The following AK5 variants were observed in gnomAD, a reference collection of about 807,000 sequenced individuals.
AK5 encodes adenylate kinase isoenzyme 5.
Under a neutral mutation model 69.5 loss-of-function variants are expected in AK5, and 27 were observed. The ratio of observed to expected loss-of-function variants is 0.39; its 90% CI spans 0.29 to 0.54. The LOEUF is 0.54. Among genes scored for constraint, AK5 ranks in the 20% least tolerant of loss-of-function variants. AK5 has a pLI of 0.71. For synonymous variants in AK5, 260 were observed against 244.4 expected (o/e 1.06, Z -0.60); for missense variants, 531 against 700.4 (o/e 0.76, Z 2.73).
chr1:77,481,051 G>T (rs902709774), intron 8 of AK5, among the ~76,000 whole-genome samples: 1 of 152,194 alleles, frequency 6.6e-6, no homozygotes, highest in Non-Finnish European at 1.5e-5. Flanking sequence ...CCAGCTTGAG[G>T]CAGGGAGCCA....
At chr1:77,489,068 A>C (rs1655802865) in intron 10 of AK5, among the ~76,000 whole-genome samples, 1 of 152,180 alleles carries the variant, frequency 6.6e-6, no homozygotes, top group Admixed American at 6.5e-5. Flanking sequence ...TTTAACACTC[A>C]CAGTTGAACT....
intron 12 of AK5, among the ~76,000 whole-genome samples, chr1:77,526,820 TC>T (rs1282661553): frequency 6.6e-6 from 1 of 151,788 alleles, no homozygotes; most frequent in African/African-American, 2.4e-5. Flanking sequence ...TAGAACATTC[TC>T]TTGAAACCCT....
chr1:77,504,441 A>ATT (rs61693501), intron 10 of AK5, among the ~76,000 whole-genome samples: 11 of 150,236 alleles, frequency 7.3e-5, no homozygotes, highest in Non-Finnish European at 1.5e-4. Context: ...GTATATATAT[A>ATT]TTTTTTTTAA....
intron 5 of AK5, among the ~76,000 whole-genome samples, chr1:77,298,399 G>A (rs1659132684): frequency 6.6e-6 from 1 of 151,670 alleles, no homozygotes; most frequent in African/African-American, 2.4e-5. Context: ...ATTTGAGTAG[G>A]CTATGCCTGC....
chr1:77,363,594 C>T (rs1400236097), intron 6 of AK5, among the ~76,000 whole-genome samples: 1 of 152,210 alleles, frequency 6.6e-6, no homozygotes, highest in Non-Finnish European at 1.5e-5. Context: ...CCTGTTCTCT[C>T]TATGACCTTA....
intron 10 of AK5, among the ~76,000 whole-genome samples, chr1:77,506,611 G>A (rs1043017649): frequency 2.6e-5 from 4 of 152,124 alleles, no homozygotes; most frequent in African/African-American, 2.4e-5. Flanking sequence ...TTCACATCTC[G>A]CTGTGGCTAT....
At chr1:77,325,730 G>A (rs1660768832) in intron 5 of AK5, among the ~76,000 whole-genome samples, 1 of 151,370 alleles carries the variant, frequency 6.6e-6, no homozygotes, top group South Asian at 2.1e-4. Context: ...ACCTTGTGGG[G>A]AGGGACTATA....
intron 2 of AK5, among the ~76,000 whole-genome samples, chr1:77,291,664 T>C (rs1177581848): frequency 6.6e-6 from 1 of 152,196 alleles, no homozygotes. Flanking sequence ...TTATTACTAA[T>C]TCAACAAATA....
intron 8 of AK5, among the ~76,000 whole-genome samples, chr1:77,441,932 A>G (rs1235397561): frequency 6.6e-6 from 1 of 151,556 alleles, no homozygotes; most frequent in Non-Finnish European, 1.5e-5. Flanking sequence ...ACTCTGAGGT[A>G]CCCCCTAGCA....
intron 8 of AK5, among the ~76,000 whole-genome samples, chr1:77,469,055 C>T (rs185292972): frequency 2.0e-3 from 303 of 152,290 alleles, no homozygotes; most frequent in African/African-American, 6.9e-3. Flanking sequence ...GCTGCATATG[C>T]AGTTAACTGT....
At chr1:77,424,704 G>A (rs749871425) in intron 8 of AK5, among the ~76,000 whole-genome samples, 10 of 152,134 alleles carry the variant, frequency 6.6e-5, no homozygotes, top group Non-Finnish European at 1.0e-4. Flanking sequence ...TATGACAATA[G>A]AAACTTTCAA....
At chr1:77,340,024 A>T (rs1487124541) in intron 5 of AK5, among the ~76,000 whole-genome samples, 1 of 152,210 alleles carries the variant, frequency 6.6e-6, no homozygotes, top group Non-Finnish European at 1.5e-5. Flanking sequence ...TGTAGAGAAC[A>T]TCTGTGGCCC....
chr1:77,360,761 T>C (rs1646848768), intron 6 of AK5, among the ~76,000 whole-genome samples: 1 of 152,186 alleles, frequency 6.6e-6, no homozygotes. Context: ...AATCTGTGAC[T>C]GTAAGCAGCC....
chr1:77,343,339 G>A (rs969980298), intron 6 of AK5, among the ~76,000 whole-genome samples: 1 of 152,046 alleles, frequency 6.6e-6, no homozygotes, highest in Non-Finnish European at 1.5e-5. Flanking sequence ...CTTCTCTGGC[G>A]CTTTGGTGTC....
At chr1:77,449,984 C>T (rs1289384934) in intron 8 of AK5, among the ~76,000 whole-genome samples, 1 of 152,134 alleles carries the variant, frequency 6.6e-6, no homozygotes, top group African/African-American at 2.4e-5. Context: ...ATCTTGAATG[C>T]TTTGCTGCTT....
intron 8 of AK5, among the ~76,000 whole-genome samples, chr1:77,421,520 A>C (rs1423515397): frequency 6.6e-6 from 1 of 152,192 alleles, no homozygotes; most frequent in Non-Finnish European, 1.5e-5. Flanking sequence ...TGGGAAGGAG[A>C]AGAACTTGAG....
chr1:77,472,503 A>G (rs1466550940), intron 8 of AK5, among the ~76,000 whole-genome samples: 3 of 152,034 alleles, frequency 2.0e-5, no homozygotes, highest in Non-Finnish European at 4.4e-5. Context: ...ACCCATACCC[A>G]TAATGCAAGG....
chr1:77,340,681 G>C (rs573850096), intron 6 of AK5, 113 bp downstream of exon 6: 2 of 836,174 alleles, frequency 2.4e-6, no homozygotes, highest in Non-Finnish European at 3.4e-6. Context: ...CTTTTGGGGG[G>C]TACAGAACCA....
intron 6 of AK5, among the ~76,000 whole-genome samples, chr1:77,365,462 T>A (rs1646934264): frequency 6.6e-6 from 1 of 152,214 alleles, no homozygotes; most frequent in African/African-American, 2.4e-5. Context: ...AATTATTAAC[T>A]CTGGTGTTCT....
Sources: allele counts gnomAD v4.1 joint callset (sites outside exome capture counted in the v4.1 genomes callset), GRCh38; gene constraint gnomAD v4.1.1; transcripts MANE v1.5; gene names NCBI Gene and HGNC (gene_info 2026-07-23, HGNC 2026-07-21).